Variants in STK40 observed in about 807,000 individuals in gnomAD.
STK40 encodes serine/threonine-protein kinase 40.
In STK40, 13 loss-of-function variants were observed where a neutral mutation model predicts 47.9. The ratio of observed to expected loss-of-function variants is 0.27; its 90% CI spans 0.18 to 0.43. STK40 has a LOEUF of 0.43. Among genes scored for constraint, STK40 ranks in the 20% least tolerant of loss-of-function variants. The probability of loss-of-function intolerance (pLI) is 1.00; values close to 1 mark genes in which losing one functional copy is unlikely to be tolerated. For missense variants in STK40, 460 were observed against 595.1 expected, an observed-to-expected ratio of 0.77 and a Z score of 2.36; for synonymous variants, 225 against 243.2, an observed-to-expected ratio of 0.93 and a Z score of 0.69.
chr1:36,359,249 A>G (rs965694780), intron 2 of STK40, among the ~76,000 whole-genome samples: 1 of 152,158 alleles, frequency 6.6e-6, no homozygotes, highest in Non-Finnish European at 1.5e-5. Context: ...TCTACAAAAA[A>G]TAAAATATTG....
intron 1 of STK40, among the ~76,000 whole-genome samples, chr1:36,362,225 G>C (rs1214510855): frequency 6.6e-6 from 1 of 152,154 alleles, no homozygotes; most frequent in Non-Finnish European, 1.5e-5. Flanking sequence ...AAGAGGAGTT[G>C]TCTCTTCCAG....
Position 36,354,342 on chromosome 1 carries a change from G to A in STK40, c.623+22C>T, listed in dbSNP as rs144005347. The stretch of plus-strand genomic sequence containing the variant: ...GCCCCAGCCCCGGGGTAACTGTATG[G>A]ATGTAGAGACAGGGATCTTACCTCT... On this transcript the variant is annotated intron_variant, in intron 6 of 10. Coordinates refer to ENST00000373132, the MANE Select transcript of STK40 (RefSeq NM_001282547.2). The A allele has an allele frequency of 1.9e-5, 30 of 1,613,572 alleles. No homozygotes were observed. In the East Asian group the frequency reaches 6.7e-4, roughly 36 times the overall value.
At chr1:36,346,971 G>A (rs1319932065) in intron 7 of STK40, among the ~76,000 whole-genome samples, 1 of 152,186 alleles carries the variant, frequency 6.6e-6, no homozygotes, top group Non-Finnish European at 1.5e-5. Flanking sequence ...GGCCATGGGG[G>A]TGGTGCCCCA....
rs1186641491 is a variant in STK40 at position 36,355,325 on chromosome 1, C to T, written c.451G>A (p.Asp151Asn). 9 of 1,614,066 alleles carry T rather than the reference C, an allele frequency of 5.6e-6. No individual in the cohort carries two copies. Among genetic ancestry groups the T allele is most frequent in the Middle Eastern group, 1.6e-4 (1 of 6,084 alleles). The change falls in exon 5 of 11, where the codon GAT (aspartate) becomes AAT (asparagine). Residue 151 changes from aspartate (D) to asparagine (N), a missense_variant. Physicochemically the swap from Asp to Asn is conservative, Grantham distance 23. Around this residue, in one of 3 missense-constraint regions of STK40, gnomAD observed 277 missense variants for 358.7 expected, o/e 0.77. Coordinates refer to ENST00000373132, the MANE Select transcript of STK40 (RefSeq NM_001282547.2). ...AGGTTGATGAGGTCAGCGGTCTTAT[C>T]GCTGAAGTCATGAGCACAGAGGCAG... ...LDCLCAHDFS[D>N]KTADLINLQH...
In STK40 at chr1:36,339,762, G is replaced by C. The variant is rs1646628391; in HGVS notation, c.*1993C>G. Reference sequence around the variant, plus strand: ...GACTTCTCTCAGTGTGTGACACCCAGTGAGGGCTGACCCATCCTCCTCTCC... The same window carrying C: ...GACTTCTCTCAGTGTGTGACACCCACTGAGGGCTGACCCATCCTCCTCTCC... On this transcript the variant is annotated 3_prime_UTR_variant, in exon 11 of 11. Coordinates refer to ENST00000373132, the MANE Select transcript of STK40 (RefSeq NM_001282547.2). The C allele has an allele frequency of 6.5e-6, 1 of 152,714 alleles. No homozygotes were observed. The highest frequency in any genetic ancestry group is 2.4e-5 in the African/African-American group (1 of 41,458). The allele number at this position is 152,714 out of a possible 1,614,324, so 9.5% of individuals were successfully genotyped here. A position where few individuals can be genotyped will look rare whatever the true frequency, so the allele number is the denominator to read the frequency against.
intron 1 of STK40, chr1:36,368,030 T>A: frequency 4.0e-6 from 1 of 249,382 alleles, no homozygotes; most frequent in Non-Finnish European, 6.4e-6. Flanking sequence ...GCAGAGCACA[T>A]ATATTGTGCT....
intron 10 of STK40, chr1:36,342,955 T>A (rs1233762221): frequency 3.6e-6 from 2 of 560,254 alleles, no homozygotes; most frequent in South Asian, 4.2e-5. Flanking sequence ...GGCCCAACAC[T>A]TTCTCCAGTG....
chr1:36,374,512 A>G (rs1221129055), intron 1 of STK40, among the ~76,000 whole-genome samples: 1 of 152,232 alleles, frequency 6.6e-6, no homozygotes, highest in Non-Finnish European at 1.5e-5. Context: ...CCAGAGCAGA[A>G]TCCAGGGCAG....
chr1:36,366,810 G>A (rs1321075791), intron 1 of STK40, among the ~76,000 whole-genome samples: 1 of 151,054 alleles, frequency 6.6e-6, no homozygotes, highest in African/African-American at 2.4e-5. Flanking sequence ...CTTTGAATCT[G>A]TTAACTCTTC....
At chr1:36,384,368 T>C (rs954566401) in intron 1 of STK40, among the ~76,000 whole-genome samples, 1 of 152,260 alleles carries the variant, frequency 6.6e-6, no homozygotes, top group Non-Finnish European at 1.5e-5. Flanking sequence ...ACCATTTGTT[T>C]ACAGGTCAAT....
At chr1:36,342,436 G>C (rs1388123194) in intron 10 of STK40, 1 of 188,738 alleles carries the variant, frequency 5.3e-6, no homozygotes, top group African/African-American at 2.4e-5. Context: ...AAGCTGAAGT[G>C]GTGTCCCCGT....
intron 7 of STK40, among the ~76,000 whole-genome samples, chr1:36,346,810 G>C (rs1379147991): frequency 6.6e-6 from 1 of 152,244 alleles, no homozygotes; most frequent in Non-Finnish European, 1.5e-5. Context: ...GGCTGGTGCT[G>C]CAAGAGAGGA....
intron 7 of STK40, 31 bp from the exon 8 acceptor site, chr1:36,344,295 A>C (rs755397548): frequency 6.5e-7 from 1 of 1,549,648 alleles, no homozygotes; most frequent in Admixed American, 1.9e-5. Context: ...CACTGTCTTC[A>C]GGCCACAGCA....
At chr1:36,378,077 T>C (rs1227470336) in intron 1 of STK40, among the ~76,000 whole-genome samples, 1 of 152,234 alleles carries the variant, frequency 6.6e-6, no homozygotes, top group East Asian at 1.9e-4. Context: ...GGCCCTTAAC[T>C]GCATGGTTGC....
At chr1:36,361,395 GC>G in intron 1 of STK40, 55 bp from the exon 2 acceptor site, 1 of 1,606,986 alleles carries the variant, frequency 6.2e-7, no homozygotes, top group Non-Finnish European at 8.5e-7. Flanking sequence ...GTTTCCTTAT[GC>G]TAACCCAGCC....
intron 6 of STK40, among the ~76,000 whole-genome samples, chr1:36,351,009 T>C (rs1400991491): frequency 6.6e-6 from 1 of 152,216 alleles, no homozygotes; most frequent in South Asian, 2.1e-4. Flanking sequence ...AGTCTGGTCC[T>C]GACAGGAGGG....
At chr1:36,381,535 C>T (rs1394506744) in intron 1 of STK40, among the ~76,000 whole-genome samples, 1 of 152,152 alleles carries the variant, frequency 6.6e-6, no homozygotes, top group Non-Finnish European at 1.5e-5. Flanking sequence ...GGCTCGAGTG[C>T]AGTGGTGTGA....
At chr1:36,352,837 G>A (rs1646770838) in intron 6 of STK40, among the ~76,000 whole-genome samples, 1 of 152,222 alleles carries the variant, frequency 6.6e-6, no homozygotes. Context: ...AGGGTAGTGG[G>A]AACCACTGAG....
chr1:36,349,810 T>TAGGC (rs1646734791), intron 6 of STK40, among the ~76,000 whole-genome samples: 2 of 152,058 alleles, frequency 1.3e-5, no homozygotes, highest in Non-Finnish European at 1.5e-5. Flanking sequence ...CTGGGAAAGG[T>TAGGC]TTCCTGGCCC....
Sources: allele counts gnomAD v4.1 joint callset (sites outside exome capture counted in the v4.1 genomes callset), GRCh38; gene constraint gnomAD v4.1.1; regional missense constraint gnomAD v4.1.1; transcripts MANE v1.5; gene names NCBI Gene and HGNC (gene_info 2026-07-23, HGNC 2026-07-21).